The following ATRN variants were observed in gnomAD, a reference collection of about 807,000 sequenced individuals.
The protein encoded by ATRN is attractin.
ATRN carries 54 observed loss-of-function variants against 178.7 expected under a neutral mutation model. The observed-to-expected ratio is 0.30, with a 90% CI of 0.24 to 0.38. The LOEUF (loss-of-function observed/expected upper bound fraction) is 0.38, where lower values mean the gene tolerates loss of function less well. ATRN is among the 10% of genes least tolerant of loss of function. The probability of loss-of-function intolerance (pLI) is 1.00; values close to 1 mark genes in which losing one functional copy is unlikely to be tolerated. For synonymous variants in ATRN, 636 were observed against 663.0 expected (o/e 0.96, Z 0.63); for missense variants, 1,443 against 1,815.1 (o/e 0.79, Z 3.73).
At chr20:3,629,581 C>G (rs1216445483) in intron 25 of ATRN, among the ~76,000 whole-genome samples, 1 of 152,202 alleles carries the variant, frequency 6.6e-6, no homozygotes, top group East Asian at 1.9e-4. Context: ...TGGAGCAAAT[C>G]CTGCAGGTTA....
intron 18 of ATRN, among the ~76,000 whole-genome samples, chr20:3,588,586 A>C (rs559971452): frequency 6.6e-6 from 1 of 152,142 alleles, no homozygotes; most frequent in South Asian, 2.1e-4. Flanking sequence ...GTTGGATTCT[A>C]TTTGCTAGTT....
intron 24 of ATRN, among the ~76,000 whole-genome samples, chr20:3,611,941 A>T (rs1036168539): frequency 2.0e-5 from 3 of 152,210 alleles, no homozygotes; most frequent in African/African-American, 7.2e-5. Context: ...TTTGTTTCTT[A>T]AAAAACTAAT....
Position 3,604,179 on chromosome 20 carries a change from A to C in ATRN, c.3718A>C (p.Asn1240His), listed in dbSNP as rs2086648864. ...NIKEYKDSFS[N>H]EKFDFRNHPN... Reference sequence around the variant, plus strand: ...TAAGGAGTACAAAGATAGTTTCTCTAATGAGAAGTTTGATTTTCGCAACCA... The same window carrying C: ...TAAGGAGTACAAAGATAGTTTCTCTCATGAGAAGTTTGATTTTCGCAACCA... The change falls in exon 24 of 29, where the codon AAT becomes CAT. Residue 1240 changes from asparagine (N) to histidine (H), a missense_variant. By Grantham distance (68) the Asn-to-His change is moderately conservative. Coordinates refer to ENST00000262919, the MANE Select transcript of ATRN (RefSeq NM_139321.3). The C allele has an allele frequency of 3.1e-6, 5 of 1,613,358 alleles. No individual in the cohort carries two copies. Among genetic ancestry groups the C allele is most frequent in the Non-Finnish European group, 4.2e-6 (5 of 1,179,724 alleles).
At chr20:3,541,328 C>T (rs1196444146) in intron 3 of ATRN, among the ~76,000 whole-genome samples, 4 of 152,048 alleles carry the variant, frequency 2.6e-5, no homozygotes, top group Admixed American at 1.3e-4. Context: ...CCGCCCGCCT[C>T]GGCCTCCCAA....
At chr20:3,578,870 C>T (rs778858370) in intron 15 of ATRN, 98 bp downstream of exon 15, 17 of 1,180,536 alleles carry the variant, frequency 1.4e-5, no homozygotes, top group South Asian at 3.4e-5. Flanking sequence ...ATATGTGTGA[C>T]GTGCTTGGCA....
rs147025677 is a variant in ATRN at position 3,526,190 on chromosome 20, A to G, written c.411-9063A>G. Reference sequence around the variant, plus strand: ...CCAAATCTCCTTAAGCTGATAAGCAACTTCAGCAAAGTCTCAGGATACAAA... The same window carrying G: ...CCAAATCTCCTTAAGCTGATAAGCAGCTTCAGCAAAGTCTCAGGATACAAA... On this transcript the variant is annotated intron_variant, in intron 1 of 28. Coordinates refer to ENST00000262919, the MANE Select transcript of ATRN (RefSeq NM_139321.3). Among the ~76,000 whole-genome samples the G allele has an allele frequency of 6.6e-5, 10 of 152,346 alleles. No individual in the cohort carries two copies. The East Asian group carries it at 1.5e-3, about 24-fold the overall frequency.
intron 15 of ATRN, among the ~76,000 whole-genome samples, chr20:3,581,013 G>A (rs1238734126): frequency 6.6e-6 from 1 of 152,140 alleles, no homozygotes; most frequent in African/African-American, 2.4e-5. Context: ...AGGCCAGTGA[G>A]GGAGGATTGC....
intron 1 of ATRN, among the ~76,000 whole-genome samples, chr20:3,478,795 T>C (rs1198350486): frequency 6.6e-6 from 1 of 152,148 alleles, no homozygotes; most frequent in East Asian, 1.9e-4. Context: ...ACCAAATCTT[T>C]CTACTTCGTA....
Position 3,646,943 on chromosome 20 carries a change from CG to C in ATRN, c.*99del. On this transcript the variant is annotated 3_prime_UTR_variant, in exon 29 of 29. Transcript: ENST00000262919. ...GTGGCGGGGAAATGGCTGTGCGGTGCGGGACGGAAGACTGGAAACCCTCAAA... is the reference window on the plus strand; with the variant it reads ...GTGGCGGGGAAATGGCTGTGCGGTGCGGACGGAAGACTGGAAACCCTCAAA... The C allele has an allele frequency of 6.8e-7, 1 of 1,476,012 alleles. No individual in the cohort carries two copies. The highest frequency in any genetic ancestry group is 9.1e-7 in the Non-Finnish European group (1 of 1,102,748). 91.4% of individuals were successfully genotyped at this position (1,476,012 alleles called of 1,614,324 possible). A position where few individuals can be genotyped will look rare whatever the true frequency, so the allele number is the denominator to read the frequency against.
At chr20:3,500,895 A>G (rs915534903) in intron 1 of ATRN, among the ~76,000 whole-genome samples, 1 of 152,098 alleles carries the variant, frequency 6.6e-6, no homozygotes, top group African/African-American at 2.4e-5. Flanking sequence ...TGCATATGGA[A>G]TAAGTGAATG....
chr20:3,517,711 C>T (rs1249464263), intron 1 of ATRN, among the ~76,000 whole-genome samples: 4 of 151,206 alleles, frequency 2.6e-5, no homozygotes, highest in Non-Finnish European at 5.9e-5. Context: ...ACGGAGGTTG[C>T]AGTCAGCCAA....
At chr20:3,555,507 C>T (rs2085865142) in intron 6 of ATRN, among the ~76,000 whole-genome samples, 1 of 152,124 alleles carries the variant, frequency 6.6e-6, no homozygotes. Context: ...ACCCAGAACT[C>T]AGAGCTTCTA....
At chr20:3,507,994 C>T (rs926758197) in intron 1 of ATRN, among the ~76,000 whole-genome samples, 31 of 151,922 alleles carry the variant, frequency 2.0e-4, no homozygotes, top group African/African-American at 6.3e-4. Context: ...TGAGCCACCG[C>T]GCCTGGTGAA....
intron 3 of ATRN, among the ~76,000 whole-genome samples, chr20:3,541,194 C>T (rs564279163): frequency 1.3e-5 from 2 of 151,528 alleles, no homozygotes; most frequent in East Asian, 1.9e-4. Context: ...TCTCCTGCCT[C>T]AGCCTCCCGA....
At chr20:3,547,580 A>G (rs1040807100) in intron 5 of ATRN, 91 bp downstream of exon 5, 14 of 1,009,862 alleles carry the variant, frequency 1.4e-5, no homozygotes, top group Non-Finnish European at 2.0e-5. Flanking sequence ...TAGCACCTAT[A>G]TAATTTATAT....
chr20:3,583,486 A>G (rs2086308532), intron 16 of ATRN, among the ~76,000 whole-genome samples: 1 of 152,306 alleles, frequency 6.6e-6, no homozygotes, highest in East Asian at 1.9e-4. Context: ...AATTGATTTC[A>G]TGGCACATTA....
At chr20:3,599,706 T>C (rs2086582037) in intron 22 of ATRN, among the ~76,000 whole-genome samples, 1 of 152,174 alleles carries the variant, frequency 6.6e-6, no homozygotes. Flanking sequence ...GACTGGAGTA[T>C]GTGTGGATTT....
chr20:3,612,279 A>G (rs1600156597), intron 24 of ATRN, among the ~76,000 whole-genome samples: 1 of 152,226 alleles, frequency 6.6e-6, no homozygotes, highest in Non-Finnish European at 1.5e-5. Flanking sequence ...AAATTTATAT[A>G]CTGCATGATT....
Position 3,562,474 on chromosome 20 carries a change from T to G in ATRN, c.1631+15T>G. On this transcript the variant is annotated intron_variant, in intron 9 of 28. Coordinates refer to ENST00000262919, the MANE Select transcript of ATRN (RefSeq NM_139321.3). ...ACCCAGATGTGGTGGGTACTTTTTC[T>G]TGAGCTTTCACTTTAAGGTGTAAAT... 3 of 1,612,636 alleles carry G rather than the reference T, an allele frequency of 1.9e-6. No homozygotes were observed. The highest frequency in any genetic ancestry group is 1.1e-5 in the South Asian group (1 of 90,752).
Sources: allele counts gnomAD v4.1 joint callset (sites outside exome capture counted in the v4.1 genomes callset), GRCh38; gene constraint gnomAD v4.1.1; transcripts MANE v1.5; gene names NCBI Gene and HGNC (gene_info 2026-07-23, HGNC 2026-07-21).